PACRG: variants seen among roughly 807,000 people sequenced by gnomAD.
PACRG encodes parkin coregulated, also known as parkin coregulated gene protein.
In PACRG, 29 loss-of-function variants were observed where a neutral mutation model predicts 29.7. The observed-to-expected ratio is 0.98, with a 90% confidence interval of 0.73 to 1.33. The LOEUF (loss-of-function observed/expected upper bound fraction) is 1.33. Among genes scored for constraint, PACRG ranks in the 40% most tolerant of loss-of-function variants. The pLI is 0.00. For missense variants in PACRG, 279 were observed against 316.2 expected (o/e 0.88, Z 0.89); for synonymous variants, 116 against 118.7 (o/e 0.98, Z 0.15).
chr6:162,820,657 A>G (rs1787764741), intron 2 of PACRG, among the ~76,000 whole-genome samples: 1 of 152,214 alleles, frequency 6.6e-6, no homozygotes, highest in Non-Finnish European at 1.5e-5. Context: ...TAAAAAAATA[A>G]TGCTATATCT....
At chr6:163,022,725 A>G (rs1314448315) in intron 2 of PACRG, among the ~76,000 whole-genome samples, 1 of 152,226 alleles carries the variant, frequency 6.6e-6, no homozygotes, top group East Asian at 1.9e-4. Context: ...AGTATTCAAC[A>G]TTTTAAAAAT....
chr6:163,274,976 C>A (rs1031918343), intron 4 of PACRG, among the ~76,000 whole-genome samples: 2 of 150,950 alleles, frequency 1.3e-5, no homozygotes, highest in African/African-American at 4.9e-5. Flanking sequence ...AATTCTCCTG[C>A]CTCAGCCTCC....
chr6:162,798,721 T>C (rs549558358), intron 1 of PACRG, among the ~76,000 whole-genome samples: 5 of 152,314 alleles, frequency 3.3e-5, no homozygotes, highest in African/African-American at 1.2e-4. Context: ...CTTTTGAAAG[T>C]GAAAGCTTCT....
intron 4 of PACRG, among the ~76,000 whole-genome samples, chr6:163,271,637 G>T (rs996405918): frequency 2.6e-5 from 4 of 152,184 alleles, no homozygotes; most frequent in African/African-American, 9.7e-5. Flanking sequence ...TTGAGATGAC[G>T]CATGTATATC....
rs185618594 is a variant in PACRG, at chr6:163,308,318, G to A, written c.614-6509G>A. On this transcript the variant is annotated intron_variant, in intron 4 of 4. Transcript: ENST00000366888. Reference sequence around the variant, plus strand: ...AAAAACAAGGAGTAAATACAAACAAGGAGTTTCTGTTTTGGTCATCTCAAT... The same window carrying A: ...AAAAACAAGGAGTAAATACAAACAAAGAGTTTCTGTTTTGGTCATCTCAAT... Among the ~76,000 whole-genome samples the A allele has an allele frequency of 1.6e-3, 245 of 152,230 alleles. 1 individual carries two copies. Among genetic ancestry groups the A allele is most frequent in the Non-Finnish European group, 1.9e-3 (131 of 68,032 alleles).
intron 2 of PACRG, among the ~76,000 whole-genome samples, chr6:162,947,324 A>ATAT (rs1562765417): frequency 5.9e-5 from 5 of 84,774 alleles, no homozygotes; most frequent in Non-Finnish European, 9.8e-5. Flanking sequence ...CATATATAAT[A>ATAT]CATATAATCA....
chr6:162,773,034 T>C (rs879880817), intron 1 of PACRG, among the ~76,000 whole-genome samples: 1 of 150,770 alleles, frequency 6.6e-6, no homozygotes, highest in Non-Finnish European at 1.5e-5. Flanking sequence ...GGATTTAGAA[T>C]CACGGAGGTC....
intron 2 of PACRG, among the ~76,000 whole-genome samples, chr6:162,887,373 G>A (rs146740128): frequency 6.6e-6 from 1 of 152,330 alleles, no homozygotes; most frequent in Non-Finnish European, 1.5e-5. Context: ...GACAGCTAGT[G>A]TGGATAATGG....
intron 1 of PACRG, among the ~76,000 whole-genome samples, chr6:162,730,590 A>G (rs1191112906): frequency 6.6e-6 from 1 of 152,158 alleles, no homozygotes; most frequent in African/African-American, 2.4e-5. Flanking sequence ...TGTTTCATCA[A>G]ATGGGCTGTG....
intron 2 of PACRG, among the ~76,000 whole-genome samples, chr6:162,881,779 G>T (rs1793870269): frequency 6.8e-6 from 1 of 147,810 alleles, no homozygotes; most frequent in Non-Finnish European, 1.5e-5. Flanking sequence ...GATCCGGGAG[G>T]CTCTCCCCAC....
At chr6:163,191,647 G>T (rs1451539798) in intron 4 of PACRG, 1 of 456,186 alleles carries the variant, frequency 2.2e-6, no homozygotes, top group East Asian at 6.9e-5. Context: ...ACTCCACCAG[G>T]TGACTTATCT....
Position 162,728,051 on chromosome 6 carries a change from C to T in PACRG, c.-185C>T. On this transcript the variant is annotated 5_prime_UTR_variant, in exon 1 of 5. Coordinates refer to ENST00000366888, the MANE Select transcript of PACRG (RefSeq NM_001080379.2). ...GTCCTGCCCTCTTCCCGCCCCGCCCCTAGGGTCCAGCTCCCTTCACCTAGG... is the reference window on the plus strand; with the variant it reads ...GTCCTGCCCTCTTCCCGCCCCGCCCTTAGGGTCCAGCTCCCTTCACCTAGG... 8.1e-6 allele frequency: 6 copies of T among 742,384 alleles called. No homozygotes were observed. Among genetic ancestry groups the T allele is most frequent in the South Asian group, 1.8e-5 (1 of 57,002 alleles). 46.0% of individuals were successfully genotyped at this position (742,384 alleles called of 1,614,324 possible).
Position 163,315,296 on chromosome 6 carries a change from T to A in PACRG, c.*309T>A. On this transcript the variant is annotated 3_prime_UTR_variant, in exon 5 of 5. Transcript: ENST00000366888. ...CTTCAGTTGTATAGACAATAAACTA[T>A]AATTTTCATATGCAATTCAGCAATT... 1 of 215,708 alleles carries A rather than the reference T, an allele frequency of 4.6e-6. No individual in the cohort carries two copies. The highest frequency in any genetic ancestry group is 9.2e-6 in the Non-Finnish European group (1 of 108,828). The allele number at this position is 215,708 out of a possible 1,614,324, so 13.4% of individuals were successfully genotyped here.
intron 4 of PACRG, among the ~76,000 whole-genome samples, chr6:163,253,108 C>T (rs1431643898): frequency 6.6e-6 from 1 of 151,112 alleles, no homozygotes; most frequent in Admixed American, 6.6e-5. Flanking sequence ...ACCAGCCTGG[C>T]CAACGTGGCG....
chr6:162,838,629 A>G (rs1475017541), intron 2 of PACRG, among the ~76,000 whole-genome samples: 1 of 151,962 alleles, frequency 6.6e-6, no homozygotes, highest in Admixed American at 6.6e-5. Context: ...TTTAGGGTAC[A>G]TGTGCACATT....
intron 4 of PACRG, among the ~76,000 whole-genome samples, chr6:163,130,835 C>T (rs1299716156): frequency 1.3e-5 from 2 of 152,128 alleles, no homozygotes; most frequent in African/African-American, 4.8e-5. Context: ...CGTTACTGGG[C>T]CAGAAGCACT....
At chr6:163,298,255 G>GA (rs796994518) in intron 4 of PACRG, among the ~76,000 whole-genome samples, 1,571 of 127,718 alleles carry the variant, frequency 0.012, 31 homozygotes, top group African/African-American at 0.041. Context: ...TCTCACAAAG[G>GA]AAAAAAAAAA....
chr6:163,104,906 A>G (rs908391417), intron 4 of PACRG, among the ~76,000 whole-genome samples: 1 of 152,318 alleles, frequency 6.6e-6, no homozygotes, highest in Non-Finnish European at 1.5e-5. Flanking sequence ...TTATACAGAG[A>G]AGAGTGTTCT....
intron 2 of PACRG, among the ~76,000 whole-genome samples, chr6:162,983,238 G>A (rs1455861871): frequency 6.6e-6 from 1 of 152,002 alleles, no homozygotes; most frequent in Non-Finnish European, 1.5e-5. Flanking sequence ...CAGATACTTG[G>A]TTAGTGGATT....
Sources: allele counts gnomAD v4.1 joint callset (sites outside exome capture counted in the v4.1 genomes callset), GRCh38; gene constraint gnomAD v4.1.1; transcripts MANE v1.5; gene names NCBI Gene and HGNC (gene_info 2026-07-23, HGNC 2026-07-21).